Variants in STARD9 observed in about 807,000 individuals in gnomAD.
The protein encoded by STARD9 is stAR-related lipid transfer protein 9.
In STARD9, 346 loss-of-function variants were observed where a neutral mutation model predicts 399.8. The ratio of observed to expected loss-of-function variants is 0.87; its 90% CI spans 0.79 to 0.95. The LOEUF is 0.95. Among genes scored for constraint, STARD9 ranks in the 40% least tolerant of loss-of-function variants. The pLI, the probability that STARD9 is intolerant of heterozygous loss-of-function variation, is 0.00. For missense variants in STARD9, 5,832 were observed against 5,667.5 expected, an observed-to-expected ratio of 1.03 and a Z score of -0.93; for synonymous variants, 2,203 against 2,143.5, an observed-to-expected ratio of 1.03 and a Z score of -0.77.
Position 42,674,816 on chromosome 15 carries a change from C to T in STARD9, c.1550-11C>T. On this transcript the variant is annotated splice_polypyrimidine_tract_variant and intron_variant, in intron 17 of 32. Transcript: ENST00000290607. ...GTCCTCCCACCCAAGTGACCACCAC[C>T]TCTTTTGTAGTCCTGCAGGGTCAGT... 1 of 1,513,778 alleles carries T rather than the reference C, an allele frequency of 6.6e-7. No individual in the cohort carries two copies. Among genetic ancestry groups the T allele is most frequent in the Non-Finnish European group, 8.8e-7 (1 of 1,136,054 alleles). 93.8% of individuals were successfully genotyped at this position (1,513,778 alleles called of 1,614,324 possible).
At chr15:42,610,172 C>G (rs1428868635) in intron 3 of STARD9, among the ~76,000 whole-genome samples, 2 of 152,142 alleles carry the variant, frequency 1.3e-5, no homozygotes, top group Admixed American at 1.3e-4. Flanking sequence ...AGCAGCATAA[C>G]CATTGCTTTA....
chr15:42,663,432 G>A lies in STARD9; in HGVS notation c.1020G>A (p.Val340=), dbSNP rs2060028304. 3 of 1,537,192 alleles carry A rather than the reference G, an allele frequency of 2.0e-6. No individual in the cohort carries two copies. The highest frequency in any genetic ancestry group is 2.6e-6 in the Non-Finnish European group (3 of 1,146,932). ...RQSYIPYRDS[V]LTWLLKDSLG... is the part of the protein sequence containing the mutation. Reference sequence around the variant, plus strand: ...CTTATATCCCATACCGAGACTCTGTGTTGACCTGGCTGCTGAAGGACAGCC... The same window carrying A: ...CTTATATCCCATACCGAGACTCTGTATTGACCTGGCTGCTGAAGGACAGCC... The change falls in exon 12 of 33, where the codon GTG becomes GTA. Residue 340 remains valine, a synonymous_variant. Coordinates refer to ENST00000290607, the MANE Select transcript of STARD9 (RefSeq NM_020759.3).
At position 42,688,836 on chromosome 15, in the gene STARD9, A is replaced by T; in HGVS notation, c.7258A>T (p.Ser2420Cys). 6.5e-7 allele frequency: 1 copy of T among 1,537,356 alleles called. No homozygotes were observed. The highest frequency in any genetic ancestry group is 8.7e-7 in the Non-Finnish European group (1 of 1,146,932). The part of the protein sequence containing the change: ...SVRSMAMGSH[S>C]QSGVPESIPL... ...GCGATCCATGGCCATGGGATCTCATAGTCAATCTGGTGTACCAGAGAGCAT... is the reference window on the plus strand; with the variant it reads ...GCGATCCATGGCCATGGGATCTCATTGTCAATCTGGTGTACCAGAGAGCAT... The change falls in exon 23 of 33, where the codon AGT (serine) becomes TGT (cysteine). Residue 2420 changes from serine to cysteine, a missense_variant. Transcript: ENST00000290607.
At chr15:42,579,532 G>A (rs1015502087) in intron 1 of STARD9, among the ~76,000 whole-genome samples, 7 of 152,124 alleles carry the variant, frequency 4.6e-5, no homozygotes, top group African/African-American at 1.7e-4. Flanking sequence ...TGTCTTTGAT[G>A]TAAATTTGTA....
At chr15:42,642,871 T>C (rs747499658) in intron 7 of STARD9, among the ~76,000 whole-genome samples, 27 of 152,298 alleles carry the variant, frequency 1.8e-4, no homozygotes, top group Admixed American at 4.6e-4. Flanking sequence ...CGATCGTGAC[T>C]CACTGCAGCC....
intron 3 of STARD9, among the ~76,000 whole-genome samples, chr15:42,589,360 C>G (rs2058349356): frequency 6.6e-6 from 1 of 152,150 alleles, no homozygotes; most frequent in Admixed American, 6.5e-5. Context: ...CCAAATTCAC[C>G]TTTTTAATGT....
At position 42,690,618 on chromosome 15, in the gene STARD9, T is replaced by C; in HGVS notation, c.9040T>C (p.Ser3014Pro). ...TGAAATGGATGAGACAGGAGAGATC[T>C]CTAGGGGACCTGATGTGCACTTGAC... is the stretch of plus-strand genomic sequence containing the variant. ...AYEMDETGEI[S>P]RGPDVHLTHG... The change falls in exon 23 of 33, where the codon TCT (serine) becomes CCT (proline). Residue 3014 changes from serine (S) to proline (P), a missense_variant. Physicochemically the swap from Ser to Pro is moderately conservative, Grantham distance 74 (BLOSUM62 -1). Around this residue, in one of 2 missense-constraint regions of STARD9, gnomAD observed 5,828 missense variants for 5,651.1 expected, o/e 1.03. Transcript: ENST00000290607. 6.5e-7 allele frequency: 1 copy of C among 1,537,224 alleles called. No homozygotes were observed.
Position 42,669,271 on chromosome 15 carries a change from C to A in STARD9, c.1431C>A (p.Ser477Arg). The change falls in exon 16 of 33, where the codon AGC (serine) becomes AGA (arginine). Residue 477 changes from serine to arginine, a missense_variant. This residue lies in a region of STARD9 where 5,828 missense variants were observed against 5,651.1 expected (regional missense o/e 1.03). Transcript: ENST00000290607. Reference protein sequence around the residue: ...RRRAGVVIDSSLPHLMALEDD... With the variant: ...RRRAGVVIDSRLPHLMALEDD... ...GGGCTGGGGTGGTCATCGACTCCAG[C>A]CTGCCACACTTGATGGCCTTGGAGG... The A allele has an allele frequency of 6.5e-7, 1 of 1,537,018 alleles. No homozygotes were observed. The highest frequency in any genetic ancestry group is 8.7e-7 in the Non-Finnish European group (1 of 1,146,708).
Position 42,688,508 on chromosome 15 carries a change from G to C in STARD9, c.6930G>C (p.Gln2310His). The C allele has an allele frequency of 6.5e-7, 1 of 1,537,876 alleles. No individual in the cohort carries two copies. Among genetic ancestry groups the C allele is most frequent in the East Asian group, 2.4e-5 (1 of 40,924 alleles). ...TTTGTAGGGACACGTTTTTCAGGCA[G>C]GAAACTGTCAGCCCATTACTAAGCC... ...SQLCRDTFFRQETVSPLLSRT... is the reference protein window; with the variant it reads ...SQLCRDTFFRHETVSPLLSRT... Residue 2310 changes from glutamine to histidine, a missense_variant, in exon 23 of 33, where the codon CAG becomes CAC. Physicochemically the swap from Gln to His is conservative, Grantham distance 24. Coordinates refer to ENST00000290607, the MANE Select transcript of STARD9 (RefSeq NM_020759.3).
intron 3 of STARD9, among the ~76,000 whole-genome samples, chr15:42,622,369 G>A (rs1462890301): frequency 1.3e-5 from 2 of 151,360 alleles, no homozygotes; most frequent in African/African-American, 4.9e-5. Flanking sequence ...CTCTCTCTCT[G>A]TCTCTCTCTT....
At chr15:42,637,469 C>A (rs1030428778) in intron 4 of STARD9, among the ~76,000 whole-genome samples, 13 of 152,150 alleles carry the variant, frequency 8.5e-5, no homozygotes, top group Non-Finnish European at 5.9e-5. Context: ...CCCACCTCGG[C>A]CTCCCAAAGT....
intron 3 of STARD9, among the ~76,000 whole-genome samples, chr15:42,593,885 G>A (rs1006209412): frequency 6.6e-6 from 1 of 151,658 alleles, no homozygotes; most frequent in African/African-American, 2.4e-5. Flanking sequence ...AGCCAGAATG[G>A]TCTTGATCTC....
At chr15:42,637,878 A>G (rs1023866020) in intron 4 of STARD9, 29 bp from the exon 5 acceptor site, 53 of 1,536,766 alleles carry the variant, frequency 3.4e-5, no homozygotes, top group Non-Finnish European at 4.4e-5. Context: ...TAAGTAAACA[A>G]TAATGCTTTC....
At position 42,693,854 on chromosome 15, in the gene STARD9, G is replaced by A. The variant is rs1393528007; in HGVS notation, c.12276G>A (p.Glu4092=). The change falls in exon 23 of 33, where the codon GAG becomes GAA. Residue 4092 remains glutamate, a synonymous_variant. Coordinates refer to ENST00000290607, the MANE Select transcript of STARD9 (RefSeq NM_020759.3). ...ACCTCAGCCCCTGCCCTGTCTCTGA[G>A]TTGACTGATACTGCAGGGCTCCGAG... ...LQHLSPCPVS[E]LTDTAGLRGS... is the part of the protein sequence containing the mutation. The A allele has an allele frequency of 1.3e-6, 2 of 1,536,818 alleles. No homozygotes were observed. The highest frequency in any genetic ancestry group is 2.4e-5 in the South Asian group (2 of 83,992).
chr15:42,693,582 C>T lies in STARD9; in HGVS notation c.12004C>T (p.Gln4002Ter). ...TAGTTTCTTAGGGCAGCACCCTCAG[C>T]AGCTTCAGCCCAGGACAACTATCGG... is the stretch of plus-strand genomic sequence containing the variant. ...QFSFLGQHPQQLQPRTTIGVQ... is the reference protein window; with the variant it reads ...QFSFLGQHPQ Residue 4002 changes from glutamine (Q) to a stop codon, truncating the protein, a stop_gained, in exon 23 of 33, where the codon CAG becomes TAG. Coordinates refer to ENST00000290607, the MANE Select transcript of STARD9 (RefSeq NM_020759.3). LOFTEE classifies it high-confidence loss of function. 1 of 1,537,276 alleles carries T rather than the reference C, an allele frequency of 6.5e-7. No homozygotes were observed. Among genetic ancestry groups the T allele is most frequent in the South Asian group, 1.2e-5 (1 of 84,060 alleles).
In STARD9 at chr15:42,681,882, G is replaced by A. The variant is rs546181532; in HGVS notation, c.2066-222G>A. 1.6e-3 allele frequency among the ~76,000 whole-genome samples: 236 copies of A among 152,162 alleles called. 2 individuals carry two copies. Among genetic ancestry groups the A allele is most frequent in the African/African-American group, 5.3e-3 (220 of 41,518 alleles). ...GTCATGTATCCATACCCTACCGCCT[G>A]CCCTAGCACGTGCCCACTGCTGTGC... On this transcript the variant is annotated intron_variant, in intron 21 of 32. Coordinates refer to ENST00000290607, the MANE Select transcript of STARD9 (RefSeq NM_020759.3).
chr15:42,686,682 C>T lies in STARD9; in HGVS notation c.5104C>T (p.Gln1702Ter). ...YPLEEEKTDC[Q>*]ESSKEAVRRH... ...ACTAGAGGAAGAGAAGACAGATTGC[C>T]AGGAGAGCTCTAAGGAAGCAGTTAG... is the stretch of plus-strand genomic sequence containing the variant. The change falls in exon 23 of 33, where the codon CAG becomes TAG. Residue 1702 changes from glutamine (Q) to a stop codon, truncating the protein, a stop_gained. Transcript: ENST00000290607. LOFTEE classifies it high-confidence loss of function. 1 of 1,537,730 alleles carries T rather than the reference C, an allele frequency of 6.5e-7. No individual in the cohort carries two copies. Among genetic ancestry groups the T allele is most frequent in the Non-Finnish European group, 8.7e-7 (1 of 1,147,018 alleles).
chr15:42,709,857 C>A (rs921567627), intron 26 of STARD9, among the ~76,000 whole-genome samples: 2 of 152,058 alleles, frequency 1.3e-5, no homozygotes, highest in African/African-American at 4.8e-5. Context: ...TTAATTGGAA[C>A]TTTTCTCTAA....
chr15:42,682,119 T>C lies in STARD9; in HGVS notation c.2081T>C (p.Leu694Pro). 1.3e-6 allele frequency: 2 copies of C among 1,536,940 alleles called. No individual in the cohort carries two copies. Among genetic ancestry groups the C allele is most frequent in the Non-Finnish European group, 1.7e-6 (2 of 1,146,720 alleles). ...QQIKENQQCL[L>P]REETWLASLQ... The stretch of plus-strand genomic sequence containing the variant: ...TGGTTCCCAGACCAGCAGTGTCTGC[T>C]CAGAGAAGAGACCTGGCTGGCCAGC... Residue 694 changes from leucine to proline, a missense_variant, in exon 22 of 33, where the codon CTC (leucine) becomes CCC (proline). Physicochemically the swap from Leu to Pro is moderately conservative, Grantham distance 98 (BLOSUM62 -3). Coordinates refer to ENST00000290607, the MANE Select transcript of STARD9 (RefSeq NM_020759.3).
Sources: gnomAD v4.1 joint callset for allele counts (sites outside exome capture counted in the v4.1 genomes callset) on GRCh38, gnomAD v4.1.1 for gene constraint, gnomAD v4.1.1 regional missense constraint, MANE v1.5 for transcripts, NCBI Gene and HGNC (gene_info 2026-07-23, HGNC 2026-07-21) for gene names.